Variants in GRIA3 observed in about 807,000 individuals in gnomAD.
GRIA3 encodes glutamate ionotropic receptor AMPA type subunit 3.
A neutral mutation model predicts 63.0 loss-of-function variants in GRIA3; 3 were observed. The ratio of observed to expected loss-of-function variants is 0.05; its 90% confidence interval spans 0.02 to 0.12. GRIA3 has a LOEUF of 0.12. Ranked by LOEUF, GRIA3 falls within the 10% of genes least tolerant of loss-of-function variation. The pLI, the probability that GRIA3 is intolerant of heterozygous loss-of-function variation, is 1.00. For synonymous variants in GRIA3, 274 were observed against 257.9 expected (o/e 1.06, Z -0.60); for missense variants, 347 against 700.9 (o/e 0.50, Z 5.70).
intron 3 of GRIA3, among the ~76,000 whole-genome samples, chrX:123,258,720 T>C (rs2044433248): frequency 9.0e-6 from 1 of 111,528 alleles, no homozygotes; most frequent in Admixed American, 9.5e-5. Context: ...GGGTGCCCTT[T>C]GAGGCAACTA....
chrX:123,326,314 G>A (rs762747035), intron 4 of GRIA3, 101 bp downstream of exon 4: 148 of 634,727 alleles, frequency 2.3e-4, no homozygotes, highest in Non-Finnish European at 3.3e-4. Flanking sequence ...CAGACTAAAC[G>A]TGCCAACAGT....
chrX:123,461,025 T>C (rs773121714), intron 12 of GRIA3, among the ~76,000 whole-genome samples: 3 of 111,553 alleles, frequency 2.7e-5, no homozygotes, highest in African/African-American at 9.8e-5. Flanking sequence ...TATATCCAAA[T>C]TGGTTTAGCA....
chrX:123,344,257 T>A (rs1315927723), intron 4 of GRIA3, among the ~76,000 whole-genome samples: 1 of 112,439 alleles, frequency 8.9e-6, no homozygotes, highest in African/African-American at 3.2e-5. Context: ...GTGTAGCAGA[T>A]GCTGTTGGTG....
At chrX:123,204,540 G>A (rs770132165) in intron 2 of GRIA3, 5 of 1,163,370 alleles carry the variant, frequency 4.3e-6, no homozygotes, top group Non-Finnish European at 5.7e-6. Context: ...CTGTAAAGTT[G>A]CAGGTTGAAC....
At chrX:123,345,658 G>T (rs1191969784) in intron 4 of GRIA3, among the ~76,000 whole-genome samples, 1 of 110,688 alleles carries the variant, frequency 9.0e-6, no homozygotes, top group African/African-American at 3.3e-5. Context: ...CAGCATAAAC[G>T]CCCAAACTCC....
intron 2 of GRIA3, among the ~76,000 whole-genome samples, chrX:123,234,277 A>G (rs2044291128): frequency 9.0e-6 from 1 of 111,195 alleles, no homozygotes; most frequent in Non-Finnish European, 1.9e-5. Context: ...CACTTCCATC[A>G]TTATCTATGA....
At chrX:123,301,299 G>A (rs1249619403) in intron 3 of GRIA3, among the ~76,000 whole-genome samples, 1 of 111,265 alleles carries the variant, frequency 9.0e-6, no homozygotes, top group Non-Finnish European at 1.9e-5. Flanking sequence ...TTGTCTGGGA[G>A]TCTAAATCTC....
intron 3 of GRIA3, among the ~76,000 whole-genome samples, chrX:123,270,086 G>A (rs1163802028): frequency 8.9e-6 from 1 of 112,255 alleles, no homozygotes; most frequent in African/African-American, 3.2e-5. Context: ...AGTACATATT[G>A]AATCTTAGAA....
chrX:123,184,765 G>T, intron 1 of GRIA3, 121 bp downstream of exon 1: 1 of 543,734 alleles, frequency 1.8e-6, no homozygotes, highest in Non-Finnish European at 3.3e-6. Context: ...GACTGGGGCC[G>T]GGACCGGGCA....
chrX:123,265,159 T>C (rs2044480882), intron 3 of GRIA3, among the ~76,000 whole-genome samples: 1 of 111,407 alleles, frequency 9.0e-6, no homozygotes, highest in African/African-American at 3.3e-5. Context: ...AAAAAAAAAA[T>C]ACGTAAATAC....
At chrX:123,412,645 T>C (rs1396498293) in intron 10 of GRIA3, among the ~76,000 whole-genome samples, 1 of 111,611 alleles carries the variant, frequency 9.0e-6, no homozygotes, top group Non-Finnish European at 1.9e-5. Flanking sequence ...CTCCTACCAA[T>C]AGAAGGGAAG....
At chrX:123,483,430 T>C (rs891937822) in intron 15 of GRIA3, among the ~76,000 whole-genome samples, 4 of 112,286 alleles carry the variant, frequency 3.6e-5, no homozygotes, top group Non-Finnish European at 7.5e-5. Context: ...ATCCAAAATA[T>C]GATCCTTTCA....
intron 5 of GRIA3, among the ~76,000 whole-genome samples, chrX:123,383,285 C>T (rs1252250435): frequency 1.8e-5 from 2 of 111,640 alleles, no homozygotes; most frequent in East Asian, 5.6e-4. Context: ...GTGTTCGGAA[C>T]ATTTCAAGAC....
intron 4 of GRIA3, among the ~76,000 whole-genome samples, chrX:123,349,077 C>T (rs770232196): frequency 9.0e-6 from 1 of 111,681 alleles, no homozygotes; most frequent in African/African-American, 3.3e-5. Context: ...GATATTATCC[C>T]TCTGGACATG....
At chrX:123,420,694 T>G (rs1388422470) in intron 11 of GRIA3, among the ~76,000 whole-genome samples, 1 of 110,990 alleles carries the variant, frequency 9.0e-6, no homozygotes, top group Non-Finnish European at 1.9e-5. Flanking sequence ...CAAAAAGCAC[T>G]CTTCTCATTT....
rs184974383 is a variant in GRIA3, at chrX:123,439,641, G to A, written c.2076+11502G>A. Among the ~76,000 whole-genome samples the A allele has an allele frequency of 3.7e-5, 4 of 108,951 alleles. No homozygotes were observed. In the East Asian group the frequency reaches 1.2e-3, roughly 31 times the overall value. 94.6% of individuals were successfully genotyped at this position (108,951 alleles called of 115,157 possible). On this transcript the variant is annotated intron_variant, in intron 12 of 15. Transcript: ENST00000620443. ...AAACTTACATATCCTGTCATTCTTG[G>A]CAATATGAATTCACCTTGAGGGCAT...
chrX:123,282,168 T>A (rs768945043), intron 3 of GRIA3, among the ~76,000 whole-genome samples: 1 of 112,015 alleles, frequency 8.9e-6, no homozygotes, highest in Admixed American at 9.5e-5. Flanking sequence ...AATTTGAGAG[T>A]CACTAGCTTA....
intron 2 of GRIA3, among the ~76,000 whole-genome samples, chrX:123,195,356 G>A (rs1194452979): frequency 8.9e-6 from 1 of 112,257 alleles, no homozygotes; most frequent in Non-Finnish European, 1.9e-5. Context: ...GGAATGATAG[G>A]TGGTTCAAAA....
chrX:123,413,589 G>T (rs2045519969), intron 10 of GRIA3, among the ~76,000 whole-genome samples: 1 of 91,507 alleles, frequency 1.1e-5, no homozygotes, highest in East Asian at 4.0e-4. Context: ...TAGCTTTCTG[G>T]CCAACTCATT....
Sources: allele counts gnomAD v4.1 joint callset (sites outside exome capture counted in the v4.1 genomes callset), GRCh38; gene constraint gnomAD v4.1.1; transcripts MANE v1.5; gene names NCBI Gene and HGNC (gene_info 2026-07-23, HGNC 2026-07-21).